The following TMEM25 variants were observed in gnomAD, a reference collection of about 807,000 sequenced individuals.
The protein encoded by TMEM25 is 0610039J01Rik.
A neutral mutation model predicts 37.0 loss-of-function variants in TMEM25; 36 were observed. The observed-to-expected ratio is 0.97, with a 90% CI of 0.75 to 1.28. The LOEUF is 1.28. TMEM25 is among the 50% of genes most tolerant of loss of function. TMEM25 has a pLI of 0.00. For synonymous variants in TMEM25, 197 were observed against 203.7 expected, an observed-to-expected ratio of 0.97 and a Z score of 0.28; for missense variants, 444 against 477.9, an observed-to-expected ratio of 0.93 and a Z score of 0.66.
At chr11:118,532,569 C>A in intron 3 of TMEM25, 108 bp downstream of exon 3, 1 of 1,240,886 alleles carries the variant, frequency 8.1e-7, no homozygotes, top group Non-Finnish European at 1.1e-6. Flanking sequence ...AAGCACTTTG[C>A]AAATATGAAC....
At chr11:118,542,641 A>G (rs1460496052) in intron 8 of TMEM25, among the ~76,000 whole-genome samples, 1 of 152,226 alleles carries the variant, frequency 6.6e-6, no homozygotes, top group African/African-American at 2.4e-5. Context: ...GCCTGGGCAC[A>G]GTGGCTTACT....
intron 8 of TMEM25, among the ~76,000 whole-genome samples, chr11:118,542,931 A>AAAC (rs1446063156): frequency 6.7e-6 from 1 of 149,958 alleles, no homozygotes; most frequent in Non-Finnish European, 1.5e-5. Context: ...AAACAAAACA[A>AAAC]AACAAAAAAC....
chr11:118,535,143 CT>C lies in TMEM25; in HGVS notation c.*568del, dbSNP rs1951475037. ...GCGGTACCGGCCAAGCACAAACGTC[CT>C]TTTTGCTGCACACGTCTCTGCCCTT... On this transcript the variant is annotated 3_prime_UTR_variant, in exon 9 of 9. Transcript: ENST00000313236. The C allele has an allele frequency of 3.9e-6, 4 of 1,029,634 alleles. No homozygotes were observed. The African/African-American group carries it at 6.8e-5, about 18-fold the overall frequency. 63.8% of individuals were successfully genotyped at this position (1,029,634 alleles called of 1,614,324 possible). A position where few individuals can be genotyped will look rare whatever the true frequency, so the allele number is the denominator to read the frequency against.
chr11:118,533,618 C>A, intron 5 of TMEM25, 67 bp downstream of exon 5: 1 of 1,609,568 alleles, frequency 6.2e-7, no homozygotes, highest in Non-Finnish European at 8.5e-7. Context: ...ACAGCAAGTG[C>A]AGCTGGGCAG....
chr11:118,535,365 A>G lies in TMEM25; in HGVS notation c.*785A>G, dbSNP rs1555062740. 1 of 1,397,978 alleles carries G rather than the reference A, an allele frequency of 7.2e-7. No individual in the cohort carries two copies. The highest frequency in any genetic ancestry group is 2.6e-5 in the East Asian group (1 of 38,544). The allele number at this position is 1,397,978 out of a possible 1,614,324, so 86.6% of individuals were successfully genotyped here. A position where few individuals can be genotyped will look rare whatever the true frequency, so the allele number is the denominator to read the frequency against. ...GCTTGTAGCTATGCATCATTTTCCT[A>G]CGGCGTTAGCACTTTAAGCACATCC... On this transcript the variant is annotated 3_prime_UTR_variant, in exon 9 of 9. Coordinates refer to ENST00000313236, the MANE Select transcript of TMEM25 (RefSeq NM_032780.4).
At chr11:118,532,110 G>A (rs1591333995) in intron 2 of TMEM25, 40 bp from the exon 3 acceptor site, 2 of 1,498,924 alleles carry the variant, frequency 1.3e-6, no homozygotes, top group African/African-American at 1.4e-5. Context: ...AGTACCAACC[G>A]TGCCTGAGCC....
chr11:118,531,354 G>T (rs1044947787), intron 1 of TMEM25, 120 bp downstream of exon 1: 15 of 335,426 alleles, frequency 4.5e-5, no homozygotes, highest in African/African-American at 3.4e-4. Context: ...GGCGTAGGGC[G>T]AGGGATGGGA....
At chr11:118,531,660 G>A (rs1951276209) in intron 1 of TMEM25, 115 bp from the exon 2 acceptor site, 1 of 828,834 alleles carries the variant, frequency 1.2e-6, no homozygotes, top group Admixed American at 2.9e-5. Flanking sequence ...CTGGGGGCTG[G>A]TCTACATTTG....
At chr11:118,533,659 T>C in intron 5 of TMEM25, 108 bp downstream of exon 5, 1 of 1,597,404 alleles carries the variant, frequency 6.3e-7, no homozygotes. Context: ...GGCAGAGCAC[T>C]TCCAGGGGGT....
chr11:118,545,422 A>T (rs1321334035), intron 8 of TMEM25: 1 of 1,612,068 alleles, frequency 6.2e-7, no homozygotes, highest in African/African-American at 1.3e-5. Flanking sequence ...TGAGTTCTTG[A>T]ATTCTGAGTA....
Position 118,534,231 on chromosome 11 carries a change from T to C in TMEM25, c.938-35T>C. On this transcript the variant is annotated intron_variant, in intron 7 of 8. Coordinates refer to ENST00000313236, the MANE Select transcript of TMEM25 (RefSeq NM_032780.4). This position sits in a 1 kb window ranked among gnomAD's most constrained non-coding sequence, Gnocchi z 4.6. ...AGGGGCGAGGCCTCATCAGGCACAC[T>C]CCTCGTCCTGAACACTGCCCTCTTT... 2.5e-6 allele frequency: 4 copies of C among 1,613,794 alleles called. No individual in the cohort carries two copies. The highest frequency in any genetic ancestry group is 3.4e-6 in the Non-Finnish European group (4 of 1,179,726).
Position 118,535,347 on chromosome 11 carries a change from G to C in TMEM25, c.*767G>C. On this transcript the variant is annotated 3_prime_UTR_variant, in exon 9 of 9. Coordinates refer to ENST00000313236, the MANE Select transcript of TMEM25 (RefSeq NM_032780.4). ...CTAGTAGCACCCAGGACGGCTTGTAGCTATGCATCATTTTCCTACGGCGTT... is the reference window on the plus strand; with the variant it reads ...CTAGTAGCACCCAGGACGGCTTGTACCTATGCATCATTTTCCTACGGCGTT... 1.4e-6 allele frequency: 2 copies of C among 1,393,940 alleles called. No individual in the cohort carries two copies. The highest frequency in any genetic ancestry group is 1.9e-6 in the Non-Finnish European group (2 of 1,076,644). 86.3% of individuals were successfully genotyped at this position (1,393,940 alleles called of 1,614,324 possible). A position where few individuals can be genotyped will look rare whatever the true frequency, so the allele number is the denominator to read the frequency against.
chr11:118,540,280 GCTTCTGGTTCATGCC>G (rs1445897582), downstream of TMEM25, among the ~76,000 whole-genome samples: 2 of 151,910 alleles, frequency 1.3e-5, no homozygotes, highest in Non-Finnish European at 2.9e-5. Context: ...GGCTGTGGGG[GCTTCTGGTTCATGCC>G]CTTTCCTCCT....
rs549018722 is a variant in TMEM25 at position 118,540,969 on chromosome 11, G to A, written c.1028-5150G>A. On this transcript the variant is annotated intron_variant, in intron 8 of 8. Transcript: ENST00000354284. ...CTGGGGGGAGGGCAGAATGGGGAGTGACTACTGGTGAATATGGGGTTCTTT... is the reference window on the plus strand; with the variant it reads ...CTGGGGGGAGGGCAGAATGGGGAGTAACTACTGGTGAATATGGGGTTCTTT... 3.3e-5 allele frequency among the ~76,000 whole-genome samples: 5 copies of A among 152,224 alleles called. No individual in the cohort carries two copies. The South Asian group carries it at 1.0e-3, about 32-fold the overall frequency.
Position 118,546,142 on chromosome 11 carries a change from G to A in TMEM25, c.1051G>A (p.Ala351Thr), listed in dbSNP as rs75141008. The A allele has an allele frequency of 2.5e-3, 1,796 of 718,460 alleles. 21 individuals are homozygous for A. Among genetic ancestry groups the A allele is most frequent in the African/African-American group, 0.025 (1,406 of 57,352 alleles). 44.5% of individuals were successfully genotyped at this position (718,460 alleles called of 1,614,324 possible). ...AGGAAGAAGAAATCAGGACAAAGAC[G>A]CATAACAGAGGGAAGACCATGGGAA... Residue 351 changes from alanine to threonine, a missense_variant, in exon 9 of 9, where the codon GCA (alanine) becomes ACA (threonine). Ala to Thr is a moderately conservative substitution (Grantham distance 58, BLOSUM62 0). Transcript: ENST00000354284.
At position 118,532,170 on chromosome 11, in the gene TMEM25, C is replaced by A; in HGVS notation, c.91C>A (p.Gln31Lys). Residue 31 changes from glutamine (Q) to lysine (K), a missense_variant, in exon 3 of 9, where the codon CAA becomes AAA. By Grantham distance (53) the Gln-to-Lys change is moderately conservative. Transcript: ENST00000313236. ...LSSGWGELEP[Q>K]IDGQTWAERA... is the part of the protein sequence containing the mutation. ...TCCAGGTTGGGGGGAGTTGGAGCCA[C>A]AAATAGATGGTCAGACCTGGGCTGA... 6.3e-7 allele frequency: 1 copy of A among 1,576,768 alleles called. No individual in the cohort carries two copies.
chr11:118,543,210 A>G lies in TMEM25; in HGVS notation c.1028-2909A>G, dbSNP rs577181016. Among the ~76,000 whole-genome samples the G allele has an allele frequency of 5.6e-4, 86 of 152,230 alleles. 1 individual carries two copies. The highest frequency in any genetic ancestry group is 2.0e-3 in the African/African-American group (85 of 41,536). ...GTAAGCCTCAGTTTTGTCAGCTCAA[A>G]GTTTGTCATCAGCTCAAACGTGCCT... is the stretch of plus-strand genomic sequence containing the variant. On this transcript the variant is annotated intron_variant, in intron 8 of 8. Coordinates refer to the TMEM25 transcript ENST00000354284.
chr11:118,541,297 C>T (rs1951575107), intron 8 of TMEM25, among the ~76,000 whole-genome samples: 1 of 151,836 alleles, frequency 6.6e-6, no homozygotes, highest in African/African-American at 2.4e-5. Context: ...CCCGTCTCTA[C>T]TAAAAATACA....
downstream of TMEM25, among the ~76,000 whole-genome samples, chr11:118,537,779 G>A (rs782630896): frequency 1.3e-4 from 20 of 152,246 alleles, no homozygotes; most frequent in South Asian, 1.2e-3. Flanking sequence ...GGCCGGGTGT[G>A]GTGACTCATA....
Sources: allele counts gnomAD v4.1 joint callset (sites outside exome capture counted in the v4.1 genomes callset), GRCh38; gene constraint gnomAD v4.1.1; non-coding constraint Gnocchi (gnomAD v3.1); transcripts MANE v1.5; gene names NCBI Gene and HGNC (gene_info 2026-07-23, HGNC 2026-07-21).